RBFOX1: variants seen among roughly 807,000 people sequenced by gnomAD.
The protein encoded by RBFOX1 is RNA binding fox-1 homolog 1, also known as RNA binding protein fox-1 homolog 1.
Under a neutral mutation model 57.7 loss-of-function variants are expected in RBFOX1, and 8 were observed. The ratio of observed to expected loss-of-function variants is 0.14; its 90% CI spans 0.08 to 0.25. RBFOX1 has a LOEUF of 0.25. RBFOX1 is among the 10% of genes least tolerant of loss of function. The pLI is 1.00. For synonymous variants in RBFOX1, 326 were observed against 222.4 expected (o/e 1.47, Z -4.15); for missense variants, 611 against 548.5 (o/e 1.11, Z -1.14).
intron 3 of RBFOX1, among the ~76,000 whole-genome samples, chr16:6,738,106 C>T (rs1327941758): frequency 1.3e-5 from 2 of 149,270 alleles, no homozygotes; most frequent in African/African-American, 4.9e-5. Context: ...CAGGCATTTT[C>T]CTCTTGTCAA....
intron 2 of RBFOX1, among the ~76,000 whole-genome samples, chr16:6,542,894 G>C (rs188206957): frequency 6.6e-6 from 1 of 151,994 alleles, no homozygotes; most frequent in African/African-American, 2.4e-5. Flanking sequence ...CTTCCTCTGG[G>C]TACATTAGTG....
chr16:6,868,547 C>T (rs2060327434), intron 3 of RBFOX1, among the ~76,000 whole-genome samples: 1 of 152,112 alleles, frequency 6.6e-6, no homozygotes, highest in African/African-American at 2.4e-5. Flanking sequence ...TAACGGCTCA[C>T]TGCAACCTCT....
intron 3 of RBFOX1, among the ~76,000 whole-genome samples, chr16:6,803,188 A>G (rs2085902816): frequency 6.6e-6 from 1 of 152,042 alleles, no homozygotes; most frequent in Non-Finnish European, 1.5e-5. Context: ...ACACCAAATG[A>G]TTGAAAATAG....
At chr16:5,643,839 C>T (rs1416202125) in intron 3 of RBFOX1, among the ~76,000 whole-genome samples, 7 of 152,172 alleles carry the variant, frequency 4.6e-5, no homozygotes, top group Admixed American at 6.5e-5. Context: ...GGCACATTCA[C>T]GTGGGATGGA....
In RBFOX1 at chr16:7,296,860, A is replaced by G. The variant is rs115623350; in HGVS notation, c.28-221287A>G. ...TCTACTTGGAGGAATACAGGAGTTA[A>G]GAGCCTAGCTTTGTGTCCCTTCCCT... On this transcript the variant is annotated intron_variant, in intron 4 of 15. Transcript: ENST00000550418. Among the ~76,000 whole-genome samples, 280 of 152,292 alleles carry G rather than the reference A, an allele frequency of 1.8e-3. 1 individual carries two copies. Among genetic ancestry groups the G allele is most frequent in the African/African-American group, 6.1e-3 (253 of 41,560 alleles).
At chr16:6,646,449 C>T (rs2098535650) in intron 2 of RBFOX1, among the ~76,000 whole-genome samples, 1 of 151,916 alleles carries the variant, frequency 6.6e-6, no homozygotes, top group Non-Finnish European at 1.5e-5. Flanking sequence ...CTGATTCTGC[C>T]AGATCGCTCT....
intron 3 of RBFOX1, among the ~76,000 whole-genome samples, chr16:7,017,967 T>C (rs1367993685): frequency 6.6e-6 from 1 of 152,146 alleles, no homozygotes; most frequent in East Asian, 1.9e-4. Flanking sequence ...GTGCCCCCTT[T>C]CTCTACGGGC....
At chr16:7,225,511 T>C (rs184209067) in intron 4 of RBFOX1, among the ~76,000 whole-genome samples, 1 of 151,910 alleles carries the variant, frequency 6.6e-6, no homozygotes, top group African/African-American at 2.4e-5. Context: ...ATTAAATCTA[T>C]TTTTCTTTAT....
In RBFOX1 at chr16:6,666,737, C is replaced by T. The variant is rs181304934; in HGVS notation, c.-16+12087C>T. On this transcript the variant is annotated intron_variant, in intron 3 of 15. Transcript: ENST00000550418. Reference sequence around the variant, plus strand: ...GCTCAGGGCCTGACACACAGGTAAACGGTGACTTACGAGAGTTATTGCAAC... The same window carrying T: ...GCTCAGGGCCTGACACACAGGTAAATGGTGACTTACGAGAGTTATTGCAAC... Among the ~76,000 whole-genome samples, 57 of 152,206 alleles carry T rather than the reference C, an allele frequency of 3.7e-4. 1 individual carries two copies. The East Asian group carries it at 7.4e-3, about 20-fold the overall frequency.
At chr16:5,396,566 C>G (rs1238196697) in intron 1 of RBFOX1, among the ~76,000 whole-genome samples, 2 of 152,152 alleles carry the variant, frequency 1.3e-5, no homozygotes, top group African/African-American at 4.8e-5. Context: ...CACTTGAACT[C>G]AGGCGGCAGA....
At chr16:6,256,285 GTGTA>G (rs1363151178) in intron 1 of RBFOX1, among the ~76,000 whole-genome samples, 2 of 114,222 alleles carry the variant, frequency 1.8e-5, no homozygotes, top group African/African-American at 8.5e-5. Flanking sequence ...ATATATATGT[GTGTA>G]TATATATATG....
At chr16:7,149,418 G>A (rs557401308) in intron 4 of RBFOX1, among the ~76,000 whole-genome samples, 1 of 151,536 alleles carries the variant, frequency 6.6e-6, no homozygotes, top group Non-Finnish European at 1.5e-5. Flanking sequence ...TTTTGCTTAA[G>A]ACCACTGTCT....
At chr16:6,684,487 C>A (rs767612390) in intron 3 of RBFOX1, among the ~76,000 whole-genome samples, 1 of 152,178 alleles carries the variant, frequency 6.6e-6, no homozygotes, top group Non-Finnish European at 1.5e-5. Flanking sequence ...TTAAGTCTTG[C>A]AAACATCATC....
At chr16:6,822,618 A>G (rs968280523) in intron 3 of RBFOX1, among the ~76,000 whole-genome samples, 8 of 152,220 alleles carry the variant, frequency 5.3e-5, no homozygotes, top group Non-Finnish European at 1.0e-4. Context: ...GTTATGGCAG[A>G]TGAAGCTGCT....
At chr16:6,750,491 A>T (rs1421231517) in intron 3 of RBFOX1, among the ~76,000 whole-genome samples, 1 of 152,224 alleles carries the variant, frequency 6.6e-6, no homozygotes, top group Admixed American at 6.5e-5. Context: ...ATTTCTTGAC[A>T]TATGTTTCTT....
chr16:7,639,945 T>C (rs1462445660), intron 11 of RBFOX1, among the ~76,000 whole-genome samples: 1 of 152,194 alleles, frequency 6.6e-6, no homozygotes, highest in Admixed American at 6.5e-5. Flanking sequence ...CCACCAATGG[T>C]GAACTCCAGA....
Position 5,343,727 on chromosome 16 carries a change from G to C in RBFOX1, c.219+103622G>C, listed in dbSNP as rs192865385. Among the ~76,000 whole-genome samples, 39 of 152,324 alleles carry C rather than the reference G, an allele frequency of 2.6e-4. 1 individual carries two copies. Among genetic ancestry groups the C allele is most frequent in the Non-Finnish European group, 1.5e-5 (1 of 68,034 alleles). On this transcript the variant is annotated intron_variant, in intron 1 of 2. Transcript: ENST00000585867. The stretch of plus-strand genomic sequence containing the variant: ...TGAATAGTGAAATAAGGTTGACCTG[G>C]TGACTATGTCCGTATGTAACAATAT...
intron 3 of RBFOX1, among the ~76,000 whole-genome samples, chr16:7,030,413 A>G (rs562595136): frequency 5.2e-4 from 79 of 152,350 alleles, no homozygotes; most frequent in African/African-American, 1.9e-3. Flanking sequence ...TCTGGAGGCC[A>G]CAAGTCTGAA....
At chr16:6,751,627 G>A (rs1394539019) in intron 3 of RBFOX1, among the ~76,000 whole-genome samples, 5 of 152,158 alleles carry the variant, frequency 3.3e-5, no homozygotes, top group Non-Finnish European at 7.4e-5. Flanking sequence ...TAGACTGCAT[G>A]AAATGTCAAA....
Sources: gnomAD v4.1 joint callset for allele counts (sites outside exome capture counted in the v4.1 genomes callset) on GRCh38, gnomAD v4.1.1 for gene constraint, MANE v1.5 for transcripts, NCBI Gene and HGNC (gene_info 2026-07-23, HGNC 2026-07-21) for gene names.